Variants in RSPO4 observed in about 807,000 individuals in gnomAD.
RSPO4 encodes R-spondin-4.
RSPO4 carries 23 observed loss-of-function variants against 24.8 expected under a neutral mutation model. That is an observed-to-expected ratio of 0.93 (90% confidence interval 0.67 to 1.31). RSPO4 has a LOEUF of 1.31. RSPO4 is among the 40% of genes most tolerant of loss of function. The probability of loss-of-function intolerance (pLI) is 0.00; values close to 1 mark genes in which losing one functional copy is unlikely to be tolerated. For synonymous variants in RSPO4, 141 were observed against 127.4 expected (o/e 1.11, Z -0.72); for missense variants, 333 against 316.5 (o/e 1.05, Z -0.39).
At chr20:966,838 A>G (rs1384716661) in intron 3 of RSPO4, among the ~76,000 whole-genome samples, 5 of 152,148 alleles carry the variant, frequency 3.3e-5, no homozygotes, top group Admixed American at 2.0e-4. Flanking sequence ...TGGGCAACAG[A>G]GTGAGACCCT....
chr20:982,047 C>A (rs1426503991), intron 1 of RSPO4, among the ~76,000 whole-genome samples: 1 of 152,212 alleles, frequency 6.6e-6, no homozygotes, highest in Non-Finnish European at 1.5e-5. Context: ...AGAGCAACCA[C>A]TGGTGACCTT....
At chr20:997,890 T>C (rs1204495536) in intron 1 of RSPO4, among the ~76,000 whole-genome samples, 1 of 152,186 alleles carries the variant, frequency 6.6e-6, no homozygotes, top group Non-Finnish European at 1.5e-5. Flanking sequence ...TTAACCCACG[T>C]GAGACCCCAC....
At chr20:985,965 G>C (rs2122249946) in intron 1 of RSPO4, among the ~76,000 whole-genome samples, 1 of 152,328 alleles carries the variant, frequency 6.6e-6, no homozygotes, top group African/African-American at 2.4e-5. Flanking sequence ...AAAGGGGTGG[G>C]GTCTGGCAGA....
chr20:1,001,627 G>A (rs1985465470), intron 1 of RSPO4, among the ~76,000 whole-genome samples: 1 of 152,158 alleles, frequency 6.6e-6, no homozygotes, highest in African/African-American at 2.4e-5. Context: ...GGTGACACCA[G>A]GAGTCAGGGT....
intron 1 of RSPO4, among the ~76,000 whole-genome samples, chr20:978,340 G>A (rs893674273): frequency 7.2e-5 from 11 of 152,174 alleles, no homozygotes; most frequent in Non-Finnish European, 1.5e-4. Context: ...ACTCATCTGC[G>A]CAAAGTGCTT....
chr20:981,851 G>C lies in RSPO4; in HGVS notation c.80-13713C>G, dbSNP rs1297893705. On this transcript the variant is annotated intron_variant, in intron 1 of 4. Coordinates refer to ENST00000217260, the MANE Select transcript of RSPO4 (RefSeq NM_001029871.4). The surrounding 1 kb of genome is among the most constrained non-coding windows in gnomAD (Gnocchi z 4.6). ...TCGGCTGGGGCCCAAATCAGGGGTTGACACAGTGAGAACAGGCTGCTGGTG... is the reference window on the plus strand; with the variant it reads ...TCGGCTGGGGCCCAAATCAGGGGTTCACACAGTGAGAACAGGCTGCTGGTG... 6.6e-6 allele frequency among the ~76,000 whole-genome samples: 1 copy of C among 152,222 alleles called. No individual in the cohort carries two copies. Among genetic ancestry groups the C allele is most frequent in the African/African-American group, 2.4e-5 (1 of 41,458 alleles).
At chr20:988,787 G>C (rs1453887985) in intron 1 of RSPO4, among the ~76,000 whole-genome samples, 1 of 152,080 alleles carries the variant, frequency 6.6e-6, no homozygotes, top group East Asian at 1.9e-4. Flanking sequence ...CTGACCTCAA[G>C]TGATCCACCC....
At chr20:962,521 T>G (rs1305491559) in intron 4 of RSPO4, among the ~76,000 whole-genome samples, 1 of 152,216 alleles carries the variant, frequency 6.6e-6, no homozygotes. Context: ...CATGTGGTAA[T>G]GAGTGCAGAA....
At chr20:989,090 G>T (rs1294365940) in intron 1 of RSPO4, among the ~76,000 whole-genome samples, 1 of 152,130 alleles carries the variant, frequency 6.6e-6, no homozygotes, top group African/African-American at 2.4e-5. Context: ...TCCCAAGCTG[G>T]TGTGAAACCC....
intron 1 of RSPO4, among the ~76,000 whole-genome samples, chr20:994,744 A>G (rs1217691269): frequency 6.6e-6 from 1 of 152,104 alleles, no homozygotes; most frequent in African/African-American, 2.4e-5. Context: ...TTGTATTTTT[A>G]GTAGAGATGG....
chr20:975,084 T>G (rs1984521385), intron 1 of RSPO4, among the ~76,000 whole-genome samples: 1 of 152,184 alleles, frequency 6.6e-6, no homozygotes, highest in Admixed American at 6.5e-5. Context: ...TCACTTGAGC[T>G]GGTTTTCTTC....
intron 1 of RSPO4, among the ~76,000 whole-genome samples, chr20:996,078 T>C (rs531624045): frequency 8.4e-4 from 128 of 152,346 alleles, no homozygotes; most frequent in Non-Finnish European, 1.4e-3. Context: ...TGGATGTTTT[T>C]GTGTTGCCTG....
intron 1 of RSPO4, among the ~76,000 whole-genome samples, chr20:995,460 C>T (rs6039423): frequency 0.063 from 9,647 of 152,150 alleles, 699 homozygotes; most frequent in East Asian, 0.22. Flanking sequence ...AGGAAAGGAG[C>T]GTGCAATGTC....
intron 1 of RSPO4, among the ~76,000 whole-genome samples, chr20:990,923 T>A (rs368279147): frequency 5.3e-5 from 8 of 152,280 alleles, no homozygotes; most frequent in African/African-American, 1.9e-4. Flanking sequence ...CAGGCTGTGA[T>A]CCTAGGGCAC....
intron 3 of RSPO4, among the ~76,000 whole-genome samples, 186 bp downstream of exon 3, chr20:966,988 G>T (rs1314696256): frequency 6.6e-6 from 1 of 152,238 alleles, no homozygotes; most frequent in African/African-American, 2.4e-5. Context: ...TGGCGGTTAT[G>T]TTGGCTCTAG....
rs552497905 is a variant in RSPO4 at position 1,002,260 on chromosome 20, T to C, written c.-96A>G. 13,776 of 713,278 alleles carry C rather than the reference T, an allele frequency of 0.019. 180 individuals carry two copies. The highest frequency in any genetic ancestry group is 0.085 in the Middle Eastern group (174 of 2,042). The allele number at this position is 713,278 out of a possible 1,614,324, so 44.2% of individuals were successfully genotyped here. A position where few individuals can be genotyped will look rare whatever the true frequency, so the allele number is the denominator to read the frequency against. ...GGCACGGCGGGCGCGGGGGCTGCTG[T>C]GGGCGCGCCGGGCGCATCCGCCAGG... On this transcript the variant is annotated 5_prime_UTR_variant, in exon 1 of 5. Coordinates refer to ENST00000217260, the MANE Select transcript of RSPO4 (RefSeq NM_001029871.4). The surrounding 1 kb of genome is among the most constrained non-coding windows in gnomAD (Gnocchi z 4.6).
At position 960,401 on chromosome 20, in the gene RSPO4, G is replaced by GGTCCA; in HGVS notation, c.656_660dup (p.Arg221TrpfsTer7). On this transcript the variant is annotated frameshift_variant, in exon 5 of 5. Coordinates refer to ENST00000217260, the MANE Select transcript of RSPO4 (RefSeq NM_001029871.4). LOFTEE classifies it low-confidence loss of function (END_TRUNC). ...TGGCGCGGCCTCACGTCCAGCCTGC[G>GGTCCA]GTCCAGCTTCCTGTCCTTGCGTGGG... 6 of 1,539,148 alleles carry GGTCCA rather than the reference G, an allele frequency of 3.9e-6. No individual in the cohort carries two copies. Among genetic ancestry groups the GGTCCA allele is most frequent in the Non-Finnish European group, 5.2e-6 (6 of 1,147,480 alleles).
chr20:992,263 C>CT (rs35286852), intron 1 of RSPO4, among the ~76,000 whole-genome samples: 9,465 of 123,440 alleles, frequency 0.077, 597 homozygotes, highest in East Asian at 0.14. Flanking sequence ...GGTCCACTTT[C>CT]TTTTTTTTTT....
intron 4 of RSPO4, among the ~76,000 whole-genome samples, 172 bp downstream of exon 4, chr20:963,763 C>T (rs1443049690): frequency 1.3e-5 from 2 of 152,300 alleles, no homozygotes; most frequent in Admixed American, 1.3e-4. Context: ...GCAAGGAAGG[C>T]CCTCCTTTGA....
Sources: gnomAD v4.1 joint callset for allele counts (sites outside exome capture counted in the v4.1 genomes callset) on GRCh38, gnomAD v4.1.1 for gene constraint, Gnocchi (gnomAD v3.1) non-coding constraint, MANE v1.5 for transcripts, NCBI Gene and HGNC (gene_info 2026-07-23, HGNC 2026-07-21) for gene names.